The following KIF14 variants were observed in gnomAD, a reference collection of about 807,000 sequenced individuals.
KIF14 encodes kinesin family member 14, also known as kinesin-like protein KIF14.
Under a neutral mutation model 176.2 loss-of-function variants are expected in KIF14, and 98 were observed. That is an observed-to-expected ratio of 0.56 (90% confidence interval 0.47 to 0.66). The LOEUF is 0.66. Ranked by LOEUF, KIF14 falls within the 30% of genes least tolerant of loss-of-function variation. The probability of loss-of-function intolerance (pLI) is 0.00; values close to 1 mark genes in which losing one functional copy is unlikely to be tolerated. For missense variants in KIF14, 1,751 were observed against 1,920.4 expected (o/e 0.91, Z 1.65); for synonymous variants, 566 against 632.2 (o/e 0.90, Z 1.57).
chr1:200,588,282 C>CCAGGCTGGA (rs1658867052), intron 18 of KIF14, among the ~76,000 whole-genome samples: 1 of 150,096 alleles, frequency 6.7e-6, no homozygotes, highest in South Asian at 2.1e-4. Flanking sequence ...TGCTCTGTCA[C>CCAGGCTGGA]CAGGCTGGAG....
intron 14 of KIF14, among the ~76,000 whole-genome samples, chr1:200,594,368 CAAAA>C (rs371729211): frequency 0.25 from 23,644 of 92,984 alleles, 2,241 homozygotes; most frequent in Middle Eastern, 0.34. Context: ...CCCAAAAATT[CAAAA>C]AAAAAAAAAA....
In KIF14 at chr1:200,553,437, G is replaced by A. The variant is rs779946895; in HGVS notation, c.4898C>T (p.Pro1633Leu). The A allele has an allele frequency of 9.9e-6, 16 of 1,613,802 alleles. No individual in the cohort carries two copies. Among genetic ancestry groups the A allele is most frequent in the Non-Finnish European group, 1.4e-5 (16 of 1,179,946 alleles). The change falls in exon 30 of 30, where the codon CCA (proline) becomes CTA (leucine). Residue 1633 changes from proline (P) to leucine (L), a missense_variant. By Grantham distance (98) the Pro-to-Leu change is moderately conservative. Coordinates refer to ENST00000367350, the MANE Select transcript of KIF14 (RefSeq NM_014875.3). The part of the protein sequence containing the change: ...KRVYELHGSS[P>L]AVSSEECTPS... ...TGTGCATTCCTCTGAGCTCACTGCT[G>A]GGGATGAGCCATGGAGCTCATAGAC...
chr1:200,602,957 A>G (rs988767359), intron 10 of KIF14, among the ~76,000 whole-genome samples: 10 of 152,226 alleles, frequency 6.6e-5, no homozygotes, highest in Admixed American at 2.0e-4. Context: ...TTGTACACTA[A>G]TAATCTAATT....
intron 22 of KIF14, among the ~76,000 whole-genome samples, chr1:200,572,664 G>T (rs1222300433): frequency 6.6e-6 from 1 of 152,102 alleles, no homozygotes; most frequent in Non-Finnish European, 1.5e-5. Flanking sequence ...AACGTTTAAT[G>T]CTCATTATTA....
At chr1:200,557,952 G>A (rs61827013) in intron 27 of KIF14, among the ~76,000 whole-genome samples, 1 of 152,114 alleles carries the variant, frequency 6.6e-6, no homozygotes, top group East Asian at 1.9e-4. Context: ...AATGGACAGG[G>A]GTGGTTTTTG....
chr1:200,601,600 T>C (rs1659629388), intron 11 of KIF14, among the ~76,000 whole-genome samples: 1 of 152,246 alleles, frequency 6.6e-6, no homozygotes, highest in South Asian at 2.1e-4. Flanking sequence ...AATAGTTTTA[T>C]TGGCATTTTG....
At position 200,584,758 on chromosome 1, in the gene KIF14, T is replaced by C. The variant is rs180731572; in HGVS notation, c.3241+1343A>G. ...CATACCTAACATCTTCAATGGCAAA[T>C]AGCTGAAAGCTTTTCCTTTAAGATC... On this transcript the variant is annotated intron_variant, in intron 19 of 29. Coordinates refer to ENST00000367350, the MANE Select transcript of KIF14 (RefSeq NM_014875.3). Among the ~76,000 whole-genome samples, 412 of 152,260 alleles carry C rather than the reference T, an allele frequency of 2.7e-3. 2 individuals are homozygous for C. The highest frequency in any genetic ancestry group is 4.3e-3 in the Non-Finnish European group (291 of 68,008).
At chr1:200,585,695 TAC>T (rs1658700908) in intron 19 of KIF14, among the ~76,000 whole-genome samples, 2 of 152,148 alleles carry the variant, frequency 1.3e-5, no homozygotes, top group Admixed American at 6.5e-5. Flanking sequence ...GGTTGCAGAC[TAC>T]CATCTTCATG....
chr1:200,593,402 C>T (rs1321078074), intron 15 of KIF14, among the ~76,000 whole-genome samples: 1 of 152,154 alleles, frequency 6.6e-6, no homozygotes, highest in African/African-American at 2.4e-5. Context: ...AGGATTTCAA[C>T]CCTGTCTGTC....
chr1:200,564,806 TAAC>T (rs1163963488), intron 25 of KIF14, among the ~76,000 whole-genome samples: 1 of 152,224 alleles, frequency 6.6e-6, no homozygotes, highest in Non-Finnish European at 1.5e-5. Context: ...AAGATGGTGA[TAAC>T]AACAGTGCCC....
chr1:200,578,857 C>T (rs1042021292), intron 21 of KIF14, among the ~76,000 whole-genome samples: 2 of 151,628 alleles, frequency 1.3e-5, no homozygotes, highest in South Asian at 4.2e-4. Flanking sequence ...TTTGGGAGGC[C>T]AAGGCGGGTG....
Position 200,553,487 on chromosome 1 carries a change from A to G in KIF14, c.4848T>C (p.Ser1616=). ...QQSKSSGIDG[S]KNKGVPKRVY... is the part of the protein sequence containing the mutation. ...CACGCTTTGGTACACCTTTATTCTT[A>G]CTGCCGTCAATCCCGCTTGATTTAG... is the stretch of plus-strand genomic sequence containing the variant. Residue 1616 remains serine, a synonymous_variant, in exon 30 of 30, where the codon AGT becomes AGC. Transcript: ENST00000367350. 1 of 1,613,878 alleles carries G rather than the reference A, an allele frequency of 6.2e-7. No individual in the cohort carries two copies. Among genetic ancestry groups the G allele is most frequent in the East Asian group, 2.2e-5 (1 of 44,840 alleles).
chr1:200,612,773 T>C (rs950512991), intron 4 of KIF14, among the ~76,000 whole-genome samples: 1 of 152,082 alleles, frequency 6.6e-6, no homozygotes, highest in African/African-American at 2.4e-5. Flanking sequence ...AAACATTGAT[T>C]TCTCTCTCCC....
Position 200,571,810 on chromosome 1 carries a change from A to G in KIF14, c.3567-1805T>C, listed in dbSNP as rs572178944. Among the ~76,000 whole-genome samples, 52 of 152,360 alleles carry G rather than the reference A, an allele frequency of 3.4e-4. No homozygotes were observed. The South Asian group carries it at 0.011, about 32-fold the overall frequency. On this transcript the variant is annotated intron_variant, in intron 22 of 29. Transcript: ENST00000367350. ...AAGTATATTATTACAGCAAGTCTAAACTAGGAAAACAGTTATTCTTGCAAC... is the reference window on the plus strand; with the variant it reads ...AAGTATATTATTACAGCAAGTCTAAGCTAGGAAAACAGTTATTCTTGCAAC...
Position 200,553,719 on chromosome 1 carries a change from C to G in KIF14, c.4616G>C (p.Arg1539Pro). Residue 1539 changes from arginine (R) to proline (P), a missense_variant, in exon 30 of 30, where the codon CGC becomes CCC. Coordinates refer to ENST00000367350, the MANE Select transcript of KIF14 (RefSeq NM_014875.3). ...NLLQTCVESI[R>P]NLASDFYSDF... ...ACTGTAAAAATCACTGGCCAAGTTG[C>G]GAATACTTTCAACACAAGTCTGGAG... 1 of 1,610,930 alleles carries G rather than the reference C, an allele frequency of 6.2e-7. No individual in the cohort carries two copies. Among genetic ancestry groups the G allele is most frequent in the Non-Finnish European group, 8.5e-7 (1 of 1,177,742 alleles).
chr1:200,594,973 T>C (rs916713022), intron 14 of KIF14, among the ~76,000 whole-genome samples: 55 of 152,314 alleles, frequency 3.6e-4, no homozygotes, highest in African/African-American at 1.3e-3. Context: ...CAAAATTCCA[T>C]GGCCTACCAT....
At chr1:200,597,398 CA>C (rs1319670317) in intron 14 of KIF14, among the ~76,000 whole-genome samples, 3 of 152,018 alleles carry the variant, frequency 2.0e-5, no homozygotes, top group African/African-American at 7.2e-5. Context: ...GAAAAATCAA[CA>C]AAAGATATGA....
intron 4 of KIF14, among the ~76,000 whole-genome samples, chr1:200,612,243 T>G (rs542051863): frequency 2.0e-5 from 3 of 152,320 alleles, no homozygotes; most frequent in African/African-American, 7.2e-5. Flanking sequence ...CCTCAGGTGA[T>G]CCGCCTGCCT....
At chr1:200,583,196 G>A (rs971140657) in intron 19 of KIF14, among the ~76,000 whole-genome samples, 1 of 151,646 alleles carries the variant, frequency 6.6e-6, no homozygotes, top group African/African-American at 2.4e-5. Flanking sequence ...AGATGATGTT[G>A]GTATCCTGAT....
Sources: allele counts gnomAD v4.1 joint callset (sites outside exome capture counted in the v4.1 genomes callset), GRCh38; gene constraint gnomAD v4.1.1; transcripts MANE v1.5; gene names NCBI Gene and HGNC (gene_info 2026-07-23, HGNC 2026-07-21).